Variants in AGBL1 observed in about 807,000 individuals in gnomAD.
AGBL1 encodes cytosolic carboxypeptidase 4.
A neutral mutation model predicts 118.9 loss-of-function variants in AGBL1; 130 were observed. The observed-to-expected ratio is 1.09, with a 90% CI of 0.95 to 1.26. The LOEUF is 1.26. Ranked by LOEUF, AGBL1 falls within the 50% of genes most tolerant of loss-of-function variation. The pLI is 0.00. For missense variants in AGBL1, 1,584 were observed against 1,298.1 expected (o/e 1.22, Z -3.38); for synonymous variants, 555 against 478.9 (o/e 1.16, Z -2.08).
intron 5 of AGBL1, among the ~76,000 whole-genome samples, chr15:86,216,212 T>C (rs546445489): frequency 4.0e-5 from 6 of 151,376 alleles, no homozygotes; most frequent in Non-Finnish European, 8.8e-5. Context: ...TTATTTCTTA[T>C]TTTCCAAACT....
intron 5 of AGBL1, among the ~76,000 whole-genome samples, chr15:86,203,748 G>A (rs1193602371): frequency 2.0e-5 from 3 of 152,028 alleles, no homozygotes; most frequent in Non-Finnish European, 4.4e-5. Flanking sequence ...CCATTGTTAC[G>A]GAGTTACTCA....
intron 22 of AGBL1, among the ~76,000 whole-genome samples, chr15:86,752,085 C>T (rs902925054): frequency 6.6e-6 from 1 of 152,056 alleles, no homozygotes; most frequent in Non-Finnish European, 1.5e-5. Context: ...AAATCACACA[C>T]CCCTCCCAAT....
intron 24 of AGBL1, among the ~76,000 whole-genome samples, chr15:87,019,731 A>G (rs2081642970): frequency 1.3e-5 from 2 of 152,170 alleles, no homozygotes. Context: ...CCAAGAGCAA[A>G]CAAATCCAAA....
intron 22 of AGBL1, among the ~76,000 whole-genome samples, chr15:86,905,584 C>T (rs2080270488): frequency 6.6e-6 from 1 of 152,210 alleles, no homozygotes; most frequent in Non-Finnish European, 1.5e-5. Flanking sequence ...CTTTATTTCA[C>T]AGAATACTCT....
chr15:86,362,091 G>A (rs1399582393), intron 17 of AGBL1, among the ~76,000 whole-genome samples: 2 of 151,756 alleles, frequency 1.3e-5, no homozygotes, highest in Non-Finnish European at 2.9e-5. Flanking sequence ...TTTCTCTTTT[G>A]TGTATCAACT....
intron 23 of AGBL1, among the ~76,000 whole-genome samples, chr15:86,925,447 TATG>T (rs2080526273): frequency 6.6e-6 from 1 of 152,138 alleles, no homozygotes; most frequent in African/African-American, 2.4e-5. Context: ...TTCAAGAAAA[TATG>T]ATACTGATAA....
At position 86,266,992 on chromosome 15, in the gene AGBL1, C is replaced by G; in HGVS notation, c.1754C>G (p.Pro585Arg). ...KVVFSLDEPW[P>R]LQDNASNCLR... is the part of the protein sequence containing the mutation. Reference sequence around the variant, plus strand: ...ACATGTTCCTTATTTCATTGTAGGCCTTTGCAAGACAATGCTTCCAATTGT... The same window carrying G: ...ACATGTTCCTTATTTCATTGTAGGCGTTTGCAAGACAATGCTTCCAATTGT... The change falls in exon 13 of 23, where the codon CCT becomes CGT. Residue 585 changes from proline (P) to arginine (R), a missense_variant and splice_region_variant. Transcript: ENST00000614907. The G allele has an allele frequency of 6.4e-7, 1 of 1,566,464 alleles. No individual in the cohort carries two copies. The highest frequency in any genetic ancestry group is 8.7e-7 in the Non-Finnish European group (1 of 1,153,954).
chr15:86,796,429 G>A (rs2078572404), intron 22 of AGBL1, among the ~76,000 whole-genome samples: 2 of 152,186 alleles, frequency 1.3e-5, no homozygotes, highest in Non-Finnish European at 2.9e-5. Flanking sequence ...GCAAGTGCAA[G>A]GGTCAAAGAT....
chr15:86,352,407 T>C (rs1258659088), intron 17 of AGBL1, among the ~76,000 whole-genome samples: 3 of 152,124 alleles, frequency 2.0e-5, no homozygotes, highest in African/African-American at 7.2e-5. Context: ...TATCTACTCA[T>C]GGAATGTTGT....
intron 22 of AGBL1, among the ~76,000 whole-genome samples, chr15:86,732,327 C>A (rs937082518): frequency 6.6e-6 from 1 of 152,130 alleles, no homozygotes; most frequent in Non-Finnish European, 1.5e-5. Flanking sequence ...ATAGGTTGAT[C>A]TCATATAATC....
intron 23 of AGBL1, among the ~76,000 whole-genome samples, chr15:86,967,005 G>A (rs1187455336): frequency 2.0e-5 from 3 of 152,062 alleles, no homozygotes; most frequent in African/African-American, 7.2e-5. Context: ...CTGACTTTTT[G>A]ATGATGGCCA....
chr15:86,407,760 C>T (rs905817275), intron 18 of AGBL1, among the ~76,000 whole-genome samples: 2 of 152,120 alleles, frequency 1.3e-5, no homozygotes, highest in African/African-American at 4.8e-5. Flanking sequence ...GGGCATTCTC[C>T]AACAGGCTAA....
intron 21 of AGBL1, among the ~76,000 whole-genome samples, chr15:86,647,928 A>G (rs2085311526): frequency 6.6e-6 from 1 of 152,156 alleles, no homozygotes; most frequent in South Asian, 2.1e-4. Context: ...AACCTTCCAG[A>G]GGGAGGAAGA....
At chr15:86,896,162 C>T (rs532504016) in intron 22 of AGBL1, among the ~76,000 whole-genome samples, 17 of 151,890 alleles carry the variant, frequency 1.1e-4, no homozygotes, top group South Asian at 8.3e-4. Flanking sequence ...CATTATGTTT[C>T]GAGAACTTAT....
chr15:86,823,067 T>C (rs2078963618), intron 22 of AGBL1, among the ~76,000 whole-genome samples: 1 of 151,994 alleles, frequency 6.6e-6, no homozygotes, highest in African/African-American at 2.4e-5. Context: ...GCCTTGACAA[T>C]AGAAAATGAT....
At chr15:86,134,046 C>G (rs1334079860) in intron 1 of AGBL1, among the ~76,000 whole-genome samples, 3 of 152,158 alleles carry the variant, frequency 2.0e-5, no homozygotes, top group Admixed American at 2.0e-4. Context: ...TTCAACCTCT[C>G]CAGGAAATGT....
At chr15:86,687,205 C>G (rs1323467603) in intron 22 of AGBL1, among the ~76,000 whole-genome samples, 1 of 152,106 alleles carries the variant, frequency 6.6e-6, no homozygotes, top group Admixed American at 6.6e-5. Flanking sequence ...AAAAGTTGGC[C>G]ATTTTCAAGA....
intron 5 of AGBL1, among the ~76,000 whole-genome samples, chr15:86,205,615 C>T (rs551420596): frequency 2.0e-5 from 3 of 152,276 alleles, no homozygotes; most frequent in East Asian, 1.9e-4. Context: ...CACCATTCGT[C>T]GGTATTGTCA....
intron 14 of AGBL1, among the ~76,000 whole-genome samples, chr15:86,270,552 T>A (rs2079143815): frequency 6.6e-6 from 1 of 152,176 alleles, no homozygotes; most frequent in Non-Finnish European, 1.5e-5. Context: ...CAGGCTGTAT[T>A]TATTTCAAAT....
Sources: gnomAD v4.1 joint callset for allele counts (sites outside exome capture counted in the v4.1 genomes callset) on GRCh38, gnomAD v4.1.1 for gene constraint, MANE v1.5 for transcripts, NCBI Gene and HGNC (gene_info 2026-07-23, HGNC 2026-07-21) for gene names.